The following TSBP1 variants were observed in gnomAD, a reference collection of about 807,000 sequenced individuals.
TSBP1 encodes the protein testis-expressed basic protein 1.
TSBP1 carries 56 observed loss-of-function variants against 68.8 expected under a neutral mutation model. The observed-to-expected ratio is 0.81, with a 90% confidence interval of 0.66 to 1.02. The LOEUF (loss-of-function observed/expected upper bound fraction) is 1.02, where lower values mean the gene tolerates loss of function less well. Ranked by LOEUF, TSBP1 falls within the 50% of genes least tolerant of loss-of-function variation. TSBP1 has a pLI of 0.00. For missense variants in TSBP1, 502 were observed against 641.2 expected (o/e 0.78, Z 2.34); for synonymous variants, 171 against 208.7 (o/e 0.82, Z 1.56).
At position 32,369,373 on chromosome 6, in the gene TSBP1, A is replaced by ATTTTTTTTTTTTTTT. The variant is rs9281761; in HGVS notation, c.100+509_100+523dup. ...CTTATTACTTTTGCTAAACTCTGTGATTTTTTTTTTTTTTTGAGATGGAGT... is the reference window on the plus strand; with the variant it reads ...CTTATTACTTTTGCTAAACTCTGTGATTTTTTTTTTTTTTTTTTTTTTTTTTTTTTGAGATGGAGT... On this transcript the variant is annotated intron_variant, in intron 2 of 22. Coordinates refer to ENST00000612031, the Ensembl canonical transcript of TSBP1. 4.5e-3 allele frequency among the ~76,000 whole-genome samples: 569 copies of ATTTTTTTTTTTTTTT among 126,912 alleles called. 19 individuals are homozygous for ATTTTTTTTTTTTTTT. Among genetic ancestry groups the ATTTTTTTTTTTTTTT allele is most frequent in the African/African-American group, 6.4e-3 (218 of 34,204 alleles). The allele number at this position is 126,912 out of a possible 152,430, so 83.3% of individuals were successfully genotyped here.
chr6:32,332,954 T>G (rs1278816191), intron 14 of TSBP1, among the ~76,000 whole-genome samples: 1 of 152,046 alleles, frequency 6.6e-6, no homozygotes, highest in African/African-American at 2.4e-5. Flanking sequence ...CAGTTGATTT[T>G]CTAGCTCTGA....
intron 19 of TSBP1, among the ~76,000 whole-genome samples, chr6:32,308,523 G>A (rs484302): frequency 0.33 from 47,992 of 145,262 alleles, 9,035 homozygotes; most frequent in Middle Eastern, 0.52. Context: ...GCGTGAACCC[G>A]GGAGGCGGAG....
At chr6:32,312,248 A>C (rs998340678) in intron 19 of TSBP1, among the ~76,000 whole-genome samples, 3 of 152,216 alleles carry the variant, frequency 2.0e-5, no homozygotes, top group Admixed American at 2.0e-4. Context: ...AAAAGAACCT[A>C]CAACTAACAG....
In TSBP1 at chr6:32,321,982, C is replaced by G. The variant is rs145147529; in HGVS notation, c.559+1135G>C. ...CTATATGTGTCCTCCCAGTTTTACA[C>G]AGTTCCCAGGAGATTCACCTCATCT... On this transcript the variant is annotated intron_variant, in intron 18 of 22. Coordinates refer to ENST00000612031, the Ensembl canonical transcript of TSBP1. The surrounding 1 kb of genome is among the most constrained non-coding windows in gnomAD (Gnocchi z 4.3). Among the ~76,000 whole-genome samples, 1 of 152,190 alleles carries G rather than the reference C, an allele frequency of 6.6e-6. No homozygotes were observed. Among genetic ancestry groups the G allele is most frequent in the Non-Finnish European group, 1.5e-5 (1 of 68,036 alleles).
chr6:32,325,528 T>C lies in TSBP1; in HGVS notation c.515-1914A>G. 1.2e-6 allele frequency: 1 copy of C among 865,236 alleles called. No homozygotes were observed. The highest frequency in any genetic ancestry group is 1.9e-6 in the Non-Finnish European group (1 of 512,922). The allele number at this position is 865,236 out of a possible 1,614,324, so 53.6% of individuals were successfully genotyped here. ...CAAATACCAGGTGCCCACTTAACTG[T>C]GAAAAAGATATATGCTGGTGGCATT... On this transcript the variant is annotated intron_variant, in intron 16 of 22. Coordinates refer to ENST00000612031, the Ensembl canonical transcript of TSBP1. This position sits in a 1 kb window ranked among gnomAD's most constrained non-coding sequence, Gnocchi z 4.4.
At chr6:32,351,660 G>A (rs1771733582) in intron 8 of TSBP1, among the ~76,000 whole-genome samples, 1 of 152,060 alleles carries the variant, frequency 6.6e-6, no homozygotes, top group Admixed American at 6.6e-5. Context: ...TCTGTAATTA[G>A]AAAGATTGAG....
chr6:32,299,098 G>A (rs907645747), intron 22 of TSBP1, among the ~76,000 whole-genome samples: 1 of 152,230 alleles, frequency 6.6e-6, no homozygotes. Flanking sequence ...CAATGTGTTA[G>A]TATGGGAAGA....
At chr6:32,294,259 G>T in intron 22 of TSBP1, 2 of 622,882 alleles carry the variant, frequency 3.2e-6, no homozygotes, top group Non-Finnish European at 5.6e-6. Flanking sequence ...TGAGAGAAAA[G>T]GTAAAATGTA....
intron 6 of TSBP1, among the ~76,000 whole-genome samples, chr6:32,364,997 A>C (rs562317406): frequency 6.6e-6 from 1 of 151,898 alleles, no homozygotes; most frequent in East Asian, 1.9e-4. Context: ...GGGCTCAAGC[A>C]ATCCTCCCAC....
chr6:32,338,213 C>T lies in TSBP1; in HGVS notation c.409+766G>A, dbSNP rs79941607. On this transcript the variant is annotated intron_variant, in intron 11 of 22. Transcript: ENST00000612031. This position sits in a 1 kb window ranked among gnomAD's most constrained non-coding sequence, Gnocchi z 5.5. ...AATGGTTCTTAAACGTTGGTATGCACGCAAATCACCTGGGAATCTTATTAA... is the reference window on the plus strand; with the variant it reads ...AATGGTTCTTAAACGTTGGTATGCATGCAAATCACCTGGGAATCTTATTAA... 0.042 allele frequency among the ~76,000 whole-genome samples: 6,344 copies of T among 152,148 alleles called. 232 individuals carry two copies. Among genetic ancestry groups the T allele is most frequent in the South Asian group, 0.11 (538 of 4,818 alleles).
At chr6:32,349,256 G>C (rs963609407) in intron 9 of TSBP1, among the ~76,000 whole-genome samples, 6 of 149,816 alleles carry the variant, frequency 4.0e-5, no homozygotes, top group Non-Finnish European at 8.9e-5. Context: ...AGGAACGCCT[G>C]GGAGCACCAA....
At chr6:32,360,402 A>ATG (rs1212935978) in intron 6 of TSBP1, among the ~76,000 whole-genome samples, 1 of 142,692 alleles carries the variant, frequency 7.0e-6, no homozygotes, top group Non-Finnish European at 1.5e-5. Flanking sequence ...GTGTGTGTGT[A>ATG]TGTGTGTGTG....
chr6:32,296,310 G>A (rs1340397611), intron 22 of TSBP1, among the ~76,000 whole-genome samples: 1 of 152,194 alleles, frequency 6.6e-6, no homozygotes, highest in East Asian at 1.9e-4. Context: ...AATCAAAAGA[G>A]TTGTTGTAGT....
At chr6:32,362,780 T>C (rs1773213510) in intron 6 of TSBP1, among the ~76,000 whole-genome samples, 1 of 152,224 alleles carries the variant, frequency 6.6e-6, no homozygotes, top group South Asian at 2.1e-4. Flanking sequence ...AGTCTTACAT[T>C]AAAGTCTTCA....
At chr6:32,367,098 A>G (rs1773829721) in intron 4 of TSBP1, among the ~76,000 whole-genome samples, 1 of 144,608 alleles carries the variant, frequency 6.9e-6, no homozygotes, top group Non-Finnish European at 1.5e-5. Context: ...CACATCCACA[A>G]TCTCATAACC....
At chr6:32,339,777 T>G (rs767939705) in intron 9 of TSBP1, 139 bp from the exon 11 acceptor site, 2 of 495,596 alleles carry the variant, frequency 4.0e-6, no homozygotes, top group East Asian at 6.3e-5. Context: ...AGTCCGACTT[T>G]TGCTATTCTC....
chr6:32,323,378 G>T, intron 17 of TSBP1: 1 of 712,136 alleles, frequency 1.4e-6, no homozygotes, highest in South Asian at 1.5e-5. Flanking sequence ...AGTTCTAGAG[G>T]AGATACAAAG....
chr6:32,331,962 C>A, intron 15 of TSBP1, 72 bp downstream of exon 16: 1 of 1,042,874 alleles, frequency 9.6e-7, no homozygotes, highest in East Asian at 2.4e-5. Context: ...GATACTTAAA[C>A]AGTTGGAGCC....
intron 7 of TSBP1, 27 bp from the exon 8 acceptor site, chr6:32,355,171 G>A (rs775856076): frequency 6.2e-7 from 1 of 1,609,580 alleles, no homozygotes; most frequent in South Asian, 1.1e-5. Context: ...GAAAACATGA[G>A]GTGAATCATG....
Sources: allele counts gnomAD v4.1 joint callset (sites outside exome capture counted in the v4.1 genomes callset), GRCh38; gene constraint gnomAD v4.1.1; non-coding constraint Gnocchi (gnomAD v3.1); transcripts MANE v1.5; gene names NCBI Gene and HGNC (gene_info 2026-07-23, HGNC 2026-07-21).